Variants in MMP24 observed in about 807,000 individuals in gnomAD.
MMP24 encodes matrix metalloproteinase-24.
Under a neutral mutation model 62.8 loss-of-function variants are expected in MMP24, and 25 were observed. The ratio of observed to expected loss-of-function variants is 0.40; its 90% CI spans 0.29 to 0.56. The LOEUF (loss-of-function observed/expected upper bound fraction) is 0.56. Ranked by LOEUF, MMP24 falls within the 20% of genes least tolerant of loss-of-function variation. The pLI, the probability that MMP24 is intolerant of heterozygous loss-of-function variation, is 0.50. For synonymous variants in MMP24, 319 were observed against 350.5 expected (o/e 0.91, Z 1.00); for missense variants, 634 against 853.6 (o/e 0.74, Z 3.21).
At position 35,251,284 on chromosome 20, in the gene MMP24, A is replaced by G. The variant is rs77370826; in HGVS notation, c.396-621A>G. 9.4e-5 allele frequency among the ~76,000 whole-genome samples: 14 copies of G among 148,786 alleles called. 1 individual carries two copies. The South Asian group carries it at 2.7e-3, about 29-fold the overall frequency. Reference sequence around the variant, plus strand: ...CAAGTGTGAACCACTGCAGCTGGCTAATTTTTTTTTTTGTATTTTTAGTAC... The same window carrying G: ...CAAGTGTGAACCACTGCAGCTGGCTGATTTTTTTTTTTGTATTTTTAGTAC... On this transcript the variant is annotated intron_variant, in intron 2 of 8. Transcript: ENST00000246186.
At chr20:35,270,028 C>G in intron 7 of MMP24, 130 bp downstream of exon 7, 1 of 1,154,572 alleles carries the variant, frequency 8.7e-7, no homozygotes, top group Non-Finnish European at 1.2e-6. Flanking sequence ...AACGGAGACA[C>G]TGACCTCTGA....
chr20:35,257,576 C>T (rs1483970631), intron 4 of MMP24, among the ~76,000 whole-genome samples: 1 of 152,206 alleles, frequency 6.6e-6, no homozygotes, highest in Non-Finnish European at 1.5e-5. Flanking sequence ...CCTCTGCCCT[C>T]CCCTTCTGCC....
At chr20:35,272,699 T>C (rs902813785) in intron 8 of MMP24, among the ~76,000 whole-genome samples, 2 of 152,194 alleles carry the variant, frequency 1.3e-5, no homozygotes, top group Non-Finnish European at 2.9e-5. Context: ...GGAGTGTTTG[T>C]TAAATAGATC....
rs1600805365 is a variant in MMP24 at position 35,269,067 on chromosome 20, C to T, written c.1195-693C>T. Among the ~76,000 whole-genome samples the T allele has an allele frequency of 2.0e-5, 3 of 151,976 alleles. No individual in the cohort carries two copies. The highest frequency in any genetic ancestry group is 4.2e-4 in the South Asian group (2 of 4,800). The stretch of plus-strand genomic sequence containing the variant: ...AAAGAAAACTGAGGCCTGGAGGCTA[C>T]AGGCCTTGCCTAGACTGCTTGTGTA... On this transcript the variant is annotated intron_variant, in intron 6 of 8. Transcript: ENST00000246186. This position sits in a 1 kb window ranked among gnomAD's most constrained non-coding sequence, Gnocchi z 4.6.
Position 35,269,678 on chromosome 20 carries a change from G to T in MMP24, c.1195-82G>T. 1 of 1,495,076 alleles carries T rather than the reference G, an allele frequency of 6.7e-7. No individual in the cohort carries two copies. The highest frequency in any genetic ancestry group is 1.3e-5 in the South Asian group (1 of 78,938). The allele number at this position is 1,495,076 out of a possible 1,614,324, so 92.6% of individuals were successfully genotyped here. ...TCTCGGTGGAGGGCTGGGCTGTTGG[G>T]ACCTAAGCCCCACAGCTGCAATCAC... is the stretch of plus-strand genomic sequence containing the variant. On this transcript the variant is annotated intron_variant, in intron 6 of 8. Transcript: ENST00000246186. This position sits in a 1 kb window ranked among gnomAD's most constrained non-coding sequence, Gnocchi z 4.6.
intron 4 of MMP24, chr20:35,256,140 C>T (rs2060573330): frequency 6.6e-6 from 1 of 152,150 alleles, no homozygotes; most frequent in African/African-American, 2.4e-5. Context: ...ACTATTATAT[C>T]TATTAATACA....
intron 5 of MMP24, 32 bp from the exon 6 acceptor site, chr20:35,267,173 C>A (rs767649865): frequency 2.0e-6 from 3 of 1,524,934 alleles, no homozygotes; most frequent in Non-Finnish European, 2.7e-6. Context: ...GAAACGGCTG[C>A]CCCCTCTCTA....
At chr20:35,257,828 T>C (rs760205588) in intron 4 of MMP24, among the ~76,000 whole-genome samples, 14 of 152,192 alleles carry the variant, frequency 9.2e-5, no homozygotes, top group Non-Finnish European at 1.9e-4. Flanking sequence ...TTTGCTCTGC[T>C]CTGGAAAACC....
chr20:35,276,961 G>GT lies in MMP24; in HGVS notation c.*2358dup, dbSNP rs1199857456. The GT allele has an allele frequency of 1.3e-5, 2 of 152,670 alleles. No individual in the cohort carries two copies. Among genetic ancestry groups the GT allele is most frequent in the African/African-American group, 4.8e-5 (2 of 41,450 alleles). 9.5% of individuals were successfully genotyped at this position (152,670 alleles called of 1,614,324 possible). Reference sequence around the variant, plus strand: ...TTAAACTGATCAGCCTTTGTATAATGTTTTTTAAATCATTTCTAAATAAAA... The same window carrying GT: ...TTAAACTGATCAGCCTTTGTATAATGTTTTTTTAAATCATTTCTAAATAAAA... On this transcript the variant is annotated 3_prime_UTR_variant, in exon 9 of 9. Transcript: ENST00000246186.
rs2060494681 is a variant in MMP24 at position 35,242,664 on chromosome 20, AG to A, written c.247-4173del. Among the ~76,000 whole-genome samples the A allele has an allele frequency of 2.0e-5, 3 of 152,230 alleles. No homozygotes were observed. The South Asian group carries it at 6.2e-4, about 31-fold the overall frequency. On this transcript the variant is annotated intron_variant, in intron 1 of 8. Coordinates refer to ENST00000246186, the MANE Select transcript of MMP24 (RefSeq NM_006690.4). ...CTAAGAAAGTTGAGTGAGAAGGTGA[AG>A]GGTATGTAATTCCATTTAGCCGTCG...
At chr20:35,259,253 G>A (rs1185720685) in intron 4 of MMP24, among the ~76,000 whole-genome samples, 1 of 152,212 alleles carries the variant, frequency 6.6e-6, no homozygotes, top group Non-Finnish European at 1.5e-5. Flanking sequence ...GCAGAGCCAG[G>A]TGTGACCCCA....
rs1441820843 is a variant in MMP24 at position 35,273,526 on chromosome 20, T to A, written c.1601-746T>A. Among the ~76,000 whole-genome samples the A allele has an allele frequency of 1.3e-5, 2 of 152,210 alleles. 1 individual carries two copies. The highest frequency in any genetic ancestry group is 1.3e-4 in the Admixed American group (2 of 15,286). On this transcript the variant is annotated intron_variant, in intron 8 of 8. Coordinates refer to ENST00000246186, the MANE Select transcript of MMP24 (RefSeq NM_006690.4). ...AAAGCCAATGGCCACAGCTGCTATT[T>A]GTTGGCTGTCTTGTATACCTGATGC...
chr20:35,252,049 GC>G, intron 3 of MMP24, 28 bp downstream of exon 3: 1 of 1,548,216 alleles, frequency 6.5e-7, no homozygotes, highest in Non-Finnish European at 8.9e-7. Flanking sequence ...CTTCCTCCCT[GC>G]CTTTGGCTCC....
At chr20:35,249,134 G>T (rs2060531534) in intron 2 of MMP24, among the ~76,000 whole-genome samples, 1 of 152,192 alleles carries the variant, frequency 6.6e-6, no homozygotes, top group African/African-American at 2.4e-5. Context: ...GACCTGAGAT[G>T]GGGAGTGTTC....
chr20:35,231,817 C>T (rs1459520448), intron 1 of MMP24, among the ~76,000 whole-genome samples: 4 of 152,032 alleles, frequency 2.6e-5, no homozygotes, highest in Admixed American at 6.6e-5. Flanking sequence ...TTTGGGAGGC[C>T]GAGGCAGGTG....
chr20:35,259,909 C>G (rs148872118), intron 4 of MMP24, among the ~76,000 whole-genome samples: 3 of 152,264 alleles, frequency 2.0e-5, no homozygotes, highest in Admixed American at 1.3e-4. Flanking sequence ...ACACCCTGCC[C>G]CATGAATCTT....
chr20:35,246,290 TA>T (rs71299212), intron 1 of MMP24, among the ~76,000 whole-genome samples: 38,530 of 131,062 alleles, frequency 0.29, 8,040 homozygotes, highest in African/African-American at 0.61. Flanking sequence ...CTGTCTCTAC[TA>T]AAAAAAAAAA....
chr20:35,262,082 G>A (rs1010768304), intron 4 of MMP24, among the ~76,000 whole-genome samples: 7 of 152,102 alleles, frequency 4.6e-5, no homozygotes, highest in Admixed American at 1.3e-4. Flanking sequence ...GATTACAGGC[G>A]TGAGCCACCA....
chr20:35,249,303 C>T (rs2060532548), intron 2 of MMP24, among the ~76,000 whole-genome samples: 1 of 152,144 alleles, frequency 6.6e-6, no homozygotes, highest in Admixed American at 6.5e-5. Flanking sequence ...TTAAAGGAAG[C>T]TAGATTAGCC....
Sources: allele counts gnomAD v4.1 joint callset (sites outside exome capture counted in the v4.1 genomes callset), GRCh38; gene constraint gnomAD v4.1.1; non-coding constraint Gnocchi (gnomAD v3.1); transcripts MANE v1.5; gene names NCBI Gene and HGNC (gene_info 2026-07-23, HGNC 2026-07-21).